Variants in ITPKB observed in about 807,000 individuals in gnomAD.
ITPKB encodes the protein IP3 3-kinase B.
Under a neutral mutation model 69.4 loss-of-function variants are expected in ITPKB, and 13 were observed. That is an observed-to-expected ratio of 0.19 (90% CI 0.12 to 0.30). The LOEUF (loss-of-function observed/expected upper bound fraction) is 0.30, where lower values mean the gene tolerates loss of function less well. Among genes scored for constraint, ITPKB ranks in the 10% least tolerant of loss-of-function variants. The pLI, the probability that ITPKB is intolerant of heterozygous loss-of-function variation, is 1.00. For synonymous variants in ITPKB, 584 were observed against 513.7 expected (o/e 1.14, Z -1.85); for missense variants, 1,240 against 1,250.5 (o/e 0.99, Z 0.13).
intron 2 of ITPKB, among the ~76,000 whole-genome samples, chr1:226,664,317 G>A (rs1439165570): frequency 1.3e-5 from 2 of 152,250 alleles, no homozygotes; most frequent in South Asian, 2.1e-4. Flanking sequence ...GGTCTGCTTT[G>A]TGCAGTCAGG....
intron 2 of ITPKB, among the ~76,000 whole-genome samples, chr1:226,668,146 A>G (rs529305581): frequency 6.6e-6 from 1 of 152,310 alleles, no homozygotes. Context: ...ACCTCCCCCA[A>G]CAACCTTTTG....
chr1:226,686,823 C>T (rs190010209), intron 2 of ITPKB, among the ~76,000 whole-genome samples: 1 of 152,356 alleles, frequency 6.6e-6, no homozygotes, highest in East Asian at 1.9e-4. Flanking sequence ...GTGCACATGC[C>T]ACTGTGCCCT....
intron 2 of ITPKB, among the ~76,000 whole-genome samples, chr1:226,723,393 A>G (rs1657302721): frequency 6.6e-6 from 1 of 152,106 alleles, no homozygotes; most frequent in African/African-American, 2.4e-5. Flanking sequence ...GTGCAGTAAG[A>G]TAAAACATCT....
intron 2 of ITPKB, among the ~76,000 whole-genome samples, chr1:226,725,430 G>A (rs964179624): frequency 1.3e-5 from 2 of 152,222 alleles, no homozygotes; most frequent in African/African-American, 4.8e-5. Flanking sequence ...TACAGAAGAG[G>A]CACCCAGTAT....
chr1:226,649,451 G>A (rs959195790), intron 2 of ITPKB, among the ~76,000 whole-genome samples: 1 of 141,220 alleles, frequency 7.1e-6, no homozygotes, highest in Non-Finnish European at 1.6e-5. Flanking sequence ...GCGTGTGTGT[G>A]CATGTGTGAT....
chr1:226,650,361 A>G (rs1264385084), intron 2 of ITPKB, among the ~76,000 whole-genome samples: 1 of 152,238 alleles, frequency 6.6e-6, no homozygotes, highest in Non-Finnish European at 1.5e-5. Context: ...TATTCTTAAG[A>G]GAGGGCAGCG....
chr1:226,659,734 G>C (rs1669364851), intron 2 of ITPKB: 1 of 152,104 alleles, frequency 6.6e-6, no homozygotes, highest in African/African-American at 2.4e-5. Flanking sequence ...CCTGCAGGTG[G>C]GGCAGGGAAG....
chr1:226,712,922 A>T lies in ITPKB; in HGVS notation c.1932+22605T>A, dbSNP rs3768406. On this transcript the variant is annotated intron_variant, in intron 2 of 7. Coordinates refer to ENST00000429204, the MANE Select transcript of ITPKB (RefSeq NM_002221.4). ...TGGTCAGTAACGCTCACGCAGCTGC[A>T]CACAACTTCCATCGCACCCCTCCAG... is the stretch of plus-strand genomic sequence containing the variant. 2.1e-3 allele frequency among the ~76,000 whole-genome samples: 320 copies of T among 152,230 alleles called. 9 individuals are homozygous for T. In the East Asian group the frequency reaches 0.059, roughly 28 times the overall value.
intron 2 of ITPKB, among the ~76,000 whole-genome samples, chr1:226,701,362 T>C (rs1656631835): frequency 6.6e-6 from 1 of 151,946 alleles, no homozygotes; most frequent in South Asian, 2.1e-4. Context: ...CCCAGCACTT[T>C]GGGAGGCCGA....
chr1:226,648,285 T>C (rs888008777), intron 3 of ITPKB, among the ~76,000 whole-genome samples: 1 of 152,116 alleles, frequency 6.6e-6, no homozygotes, highest in Admixed American at 6.5e-5. Flanking sequence ...AGGTGCTCAA[T>C]GAAGGGGTTA....
intron 2 of ITPKB, among the ~76,000 whole-genome samples, chr1:226,711,188 A>C (rs1186023530): frequency 6.6e-6 from 1 of 152,180 alleles, no homozygotes; most frequent in African/African-American, 2.4e-5. Flanking sequence ...GACAAAAAAA[A>C]TGAAAATTCT....
rs375344777 is a variant in ITPKB at position 226,665,542 on chromosome 1, G to A, written c.1933-16771C>T. Reference sequence around the variant, plus strand: ...CCCTTCGGGTCTGAAAGATGAAATAGAACACCAAGACAAAACGGGCCTCTC... The same window carrying A: ...CCCTTCGGGTCTGAAAGATGAAATAAAACACCAAGACAAAACGGGCCTCTC... On this transcript the variant is annotated intron_variant, in intron 2 of 7. Coordinates refer to ENST00000429204, the MANE Select transcript of ITPKB (RefSeq NM_002221.4). Among the ~76,000 whole-genome samples the A allele has an allele frequency of 1.7e-3, 257 of 152,256 alleles. 2 individuals carry two copies. The highest frequency in any genetic ancestry group is 6.0e-3 in the African/African-American group (250 of 41,548).
At chr1:226,651,244 C>G (rs574527178) in intron 2 of ITPKB, among the ~76,000 whole-genome samples, 10 of 152,312 alleles carry the variant, frequency 6.6e-5, no homozygotes, top group Middle Eastern at 3.4e-3. Flanking sequence ...GGGCTGCAGA[C>G]AGAGGGAGAT....
intron 2 of ITPKB, among the ~76,000 whole-genome samples, chr1:226,711,331 C>G (rs996935863): frequency 1.3e-5 from 2 of 151,480 alleles, no homozygotes; most frequent in Admixed American, 6.6e-5. Flanking sequence ...TGAGATGTTG[C>G]CAAGGTAAAT....
chr1:226,707,670 T>C, intron 2 of ITPKB: 1 of 1,024,430 alleles, frequency 9.8e-7, no homozygotes, highest in Non-Finnish European at 1.2e-6. Flanking sequence ...AGGAAACATG[T>C]AGAGTCCCTC....
chr1:226,695,971 G>A (rs1359266658), intron 2 of ITPKB, among the ~76,000 whole-genome samples: 3 of 152,134 alleles, frequency 2.0e-5, no homozygotes, highest in Non-Finnish European at 4.4e-5. Flanking sequence ...AGAGCAGAGG[G>A]AAAAGACTAA....
chr1:226,736,266 A>T lies in ITPKB; in HGVS notation c.1193T>A (p.Val398Glu). 6.3e-7 allele frequency: 1 copy of T among 1,577,522 alleles called. No individual in the cohort carries two copies. Among genetic ancestry groups the T allele is most frequent in the Non-Finnish European group, 8.6e-7 (1 of 1,164,548 alleles). ...EVGKRPEETTVSVQSAESSDS... is the reference protein window; with the variant it reads ...EVGKRPEETTESVQSAESSDS... ...AGAGGACTCTGCGCTTTGCACGCTC[A>T]CAGTCGTCTCCTCTGGCCTTTTGCC... Residue 398 changes from valine to glutamate, a missense_variant, in exon 2 of 8, where the codon GTG (valine) becomes GAG (glutamate). Around this residue, in one of 2 missense-constraint regions of ITPKB, gnomAD observed 992 missense variants for 853.8 expected, o/e 1.16. Coordinates refer to ENST00000429204, the MANE Select transcript of ITPKB (RefSeq NM_002221.4).
chr1:226,635,063 T>TG (rs1411984333), intron 7 of ITPKB, among the ~76,000 whole-genome samples, 177 bp from the exon 8 acceptor site: 1 of 152,156 alleles, frequency 6.6e-6, no homozygotes, highest in African/African-American at 2.4e-5. Context: ...TGGCCATGCC[T>TG]GGGCAGAGGG....
intron 2 of ITPKB, among the ~76,000 whole-genome samples, chr1:226,708,339 C>A (rs16846403): frequency 0.23 from 35,377 of 152,052 alleles, 5,109 homozygotes; most frequent in South Asian, 0.38. Context: ...TGCCTCAAAC[C>A]GTTGGTAGAA....
Sources: allele counts gnomAD v4.1 joint callset (sites outside exome capture counted in the v4.1 genomes callset), GRCh38; gene constraint gnomAD v4.1.1; regional missense constraint gnomAD v4.1.1; transcripts MANE v1.5; gene names NCBI Gene and HGNC (gene_info 2026-07-23, HGNC 2026-07-21).